The following DCHS2 variants were observed in gnomAD, a reference collection of about 807,000 sequenced individuals.
DCHS2 encodes dachsous cadherin-related 2.
Under a neutral mutation model 182.4 loss-of-function variants are expected in DCHS2, and 142 were observed. That is an observed-to-expected ratio of 0.78 (90% CI 0.68 to 0.89). The LOEUF is 0.89. DCHS2 is among the 40% of genes least tolerant of loss of function. The pLI is 0.00. For missense variants in DCHS2, 4,319 were observed against 4,198.6 expected, an observed-to-expected ratio of 1.03 and a Z score of -0.79; for synonymous variants, 1,740 against 1,663.3, an observed-to-expected ratio of 1.05 and a Z score of -1.12.
chr4:154,418,138 T>C (rs1470139566), intron 1 of DCHS2, among the ~76,000 whole-genome samples: 2 of 152,192 alleles, frequency 1.3e-5, no homozygotes, highest in African/African-American at 4.8e-5. Flanking sequence ...AATACAATAA[T>C]TTTAAATGCA....
intron 1 of DCHS2, among the ~76,000 whole-genome samples, chr4:154,389,514 GGTT>G (rs1731574540): frequency 2.2e-5 from 1 of 45,798 alleles, no homozygotes. Flanking sequence ...TAAAGACAAA[GGTT>G]ATATATATAT....
rs1730367381 is a variant in DCHS2 at position 154,366,471 on chromosome 4, T to C, written c.2245-30A>G. ...TGGATGAATGAGTGGTGATTACAAA[T>C]GGGTTTTTGCTGAACACTAGGATGT... On this transcript the variant is annotated intron_variant, in intron 2 of 19. Coordinates refer to ENST00000357232, the MANE Select transcript of DCHS2 (RefSeq NM_001358235.2). The C allele has an allele frequency of 2.6e-6, 4 of 1,515,512 alleles. No individual in the cohort carries two copies. In the East Asian group the frequency reaches 6.8e-5, roughly 26 times the overall value. The allele number at this position is 1,515,512 out of a possible 1,614,324, so 93.9% of individuals were successfully genotyped here. A position where few individuals can be genotyped will look rare whatever the true frequency, so the allele number is the denominator to read the frequency against.
intron 1 of DCHS2, among the ~76,000 whole-genome samples, chr4:154,415,446 G>T (rs1289717637): frequency 6.6e-6 from 1 of 152,164 alleles, no homozygotes; most frequent in Non-Finnish European, 1.5e-5. Context: ...GCCTCTGGGG[G>T]TGCCACCACA....
chr4:154,459,243 A>G (rs1042003191), intron 1 of DCHS2, among the ~76,000 whole-genome samples: 1 of 152,136 alleles, frequency 6.6e-6, no homozygotes, highest in Non-Finnish European at 1.5e-5. Context: ...ATAGCCCTGA[A>G]GGTAGAGTGT....
intron 19 of DCHS2, 185 bp from the exon 20 acceptor site, chr4:154,237,344 AG>A: frequency 1.2e-6 from 1 of 803,400 alleles, no homozygotes; most frequent in Non-Finnish European, 1.8e-6. Context: ...ATAACATGTA[AG>A]ATACAGAAAT....
Position 154,298,463 on chromosome 4 carries a change from C to T in DCHS2, c.5851G>A (p.Val1951Met). 1 of 1,614,184 alleles carries T rather than the reference C, an allele frequency of 6.2e-7. No individual in the cohort carries two copies. The highest frequency in any genetic ancestry group is 1.1e-5 in the South Asian group (1 of 91,078). The part of the protein sequence containing the change: ...SVREDAEVGT[V>M]VLVLSAVDKD... ...TCCACAGCTGAAAGCACAAGAACCACTGTTCCCACTTCAGCATCTTCTCTC... is the reference window on the plus strand; with the variant it reads ...TCCACAGCTGAAAGCACAAGAACCATTGTTCCCACTTCAGCATCTTCTCTC... The change falls in exon 13 of 20, where the codon GTG (valine) becomes ATG (methionine). Residue 1951 changes from valine to methionine, a missense_variant. Val to Met is a conservative substitution (Grantham distance 21). Coordinates refer to ENST00000357232, the MANE Select transcript of DCHS2 (RefSeq NM_001358235.2).
chr4:154,463,710 C>CTCTCTCTCTCTCTCTG (rs1209348085), intron 1 of DCHS2, among the ~76,000 whole-genome samples: 7 of 151,896 alleles, frequency 4.6e-5, no homozygotes, highest in African/African-American at 1.7e-4. Context: ...CTCTCTCTCT[C>CTCTCTCTCTCTCTCTG]TCTCTCTCTC....
intron 14 of DCHS2, among the ~76,000 whole-genome samples, chr4:154,266,914 A>G (rs1424419744): frequency 1.3e-5 from 2 of 152,122 alleles, no homozygotes; most frequent in Non-Finnish European, 2.9e-5. Context: ...TCATTTATTA[A>G]CAATTCTCAT....
rs146956505 is a variant in DCHS2 at position 154,239,437 on chromosome 4, A to C, written c.7360-135T>G. The C allele has an allele frequency of 6.4e-3, 8,507 of 1,332,040 alleles. 46 individuals are homozygous for C. The highest frequency in any genetic ancestry group is 7.7e-3 in the Non-Finnish European group (7,574 of 981,912). The allele number at this position is 1,332,040 out of a possible 1,614,324, so 82.5% of individuals were successfully genotyped here. A position where few individuals can be genotyped will look rare whatever the true frequency, so the allele number is the denominator to read the frequency against. On this transcript the variant is annotated intron_variant, in intron 18 of 19. Coordinates refer to ENST00000357232, the MANE Select transcript of DCHS2 (RefSeq NM_001358235.2). ...ACAATACAACCTGACTTTGTTAGAC[A>C]TATTAATTTATGGAATTGGCATATT...
At chr4:154,482,938 C>T (rs139507470) in intron 1 of DCHS2, among the ~76,000 whole-genome samples, 359 of 152,152 alleles carry the variant, frequency 2.4e-3, no homozygotes, top group African/African-American at 8.0e-3. Context: ...GTGCTTAAAG[C>T]GAATGAGGTT....
In DCHS2 at chr4:154,298,161, C is replaced by A; in HGVS notation, c.6153G>T (p.Ser2051=). 2 of 1,614,022 alleles carry A rather than the reference C, an allele frequency of 1.2e-6. No homozygotes were observed. Among genetic ancestry groups the A allele is most frequent in the South Asian group, 1.1e-5 (1 of 91,076 alleles). The change falls in exon 13 of 20, where the codon TCG becomes TCT. Residue 2051 remains serine (S), a synonymous_variant. Transcript: ENST00000357232. ...CAATGACAGTTGTCTGGTTTGTAGG[C>A]GACTCGGGGGAAAGAAACACATCAA... ...NPFDVFLSPE[S]PTNQTTVIVR... is the part of the protein sequence containing the mutation.
intron 1 of DCHS2, among the ~76,000 whole-genome samples, chr4:154,478,923 T>C (rs1412768578): frequency 6.6e-6 from 1 of 152,014 alleles, no homozygotes; most frequent in Non-Finnish European, 1.5e-5. Flanking sequence ...ATACACAATG[T>C]CCGGAATACA....
chr4:154,240,078 T>C (rs1386911409), intron 18 of DCHS2, among the ~76,000 whole-genome samples: 1 of 152,154 alleles, frequency 6.6e-6, no homozygotes, highest in Non-Finnish European at 1.5e-5. Flanking sequence ...ATCCTTGCCC[T>C]TACTTCTATA....
chr4:154,294,239 G>C (rs565374826), intron 13 of DCHS2, among the ~76,000 whole-genome samples: 2 of 152,070 alleles, frequency 1.3e-5, no homozygotes, highest in Non-Finnish European at 2.9e-5. Context: ...GATGTTCAAG[G>C]CTTCTTAAAA....
Position 154,366,439 on chromosome 4 carries a change from A to C in DCHS2, c.2247T>G (p.Gly749=), listed in dbSNP as rs1409493739. The C allele has an allele frequency of 6.2e-7, 1 of 1,609,348 alleles. No individual in the cohort carries two copies. The highest frequency in any genetic ancestry group is 1.7e-5 in the Admixed American group (1 of 59,774). The change falls in exon 3 of 20, where the codon GGT becomes GGG. Residue 749 remains glycine (G), a splice_region_variant and synonymous_variant. Transcript: ENST00000357232. Reference sequence around the variant, plus strand: ...GAACAAAGGCTTGGGCACTTAGCCCACCCTGGTGGATGAATGAGTGGTGAT... The same window carrying C: ...GAACAAAGGCTTGGGCACTTAGCCCCCCCTGGTGGATGAATGAGTGGTGAT... ...YDLLVEAKDG[G]GLSAQAFVRV...
intron 16 of DCHS2, among the ~76,000 whole-genome samples, chr4:154,251,864 G>C (rs184434569): frequency 3.3e-5 from 5 of 152,256 alleles, no homozygotes; most frequent in Admixed American, 6.5e-5. Context: ...TCTTGCATTT[G>C]TCTTTGTGTC....
At chr4:154,344,381 T>G (rs1315186567) in intron 3 of DCHS2, among the ~76,000 whole-genome samples, 1 of 152,182 alleles carries the variant, frequency 6.6e-6, no homozygotes. Flanking sequence ...TCTGTATAAA[T>G]AGGCTGGGCT....
chr4:154,445,320 A>C (rs907287064), intron 1 of DCHS2, among the ~76,000 whole-genome samples: 3 of 152,216 alleles, frequency 2.0e-5, no homozygotes, highest in Non-Finnish European at 4.4e-5. Flanking sequence ...TGAGAAAACT[A>C]ACCTTATTGA....
intron 1 of DCHS2, among the ~76,000 whole-genome samples, chr4:154,453,395 T>C (rs143698076): frequency 0.01 from 1,592 of 151,824 alleles, 23 homozygotes; most frequent in African/African-American, 0.035. Flanking sequence ...ATCATAAAGA[T>C]TTTTTTCACC....
Sources: allele counts gnomAD v4.1 joint callset (sites outside exome capture counted in the v4.1 genomes callset), GRCh38; gene constraint gnomAD v4.1.1; transcripts MANE v1.5; gene names NCBI Gene and HGNC (gene_info 2026-07-23, HGNC 2026-07-21).